CASQ2: variants seen among roughly 807,000 people sequenced by gnomAD.
CASQ2 encodes the protein calsequestrin 2.
In CASQ2, 49 loss-of-function variants were observed where a neutral mutation model predicts 46.5. That is an observed-to-expected ratio of 1.05 (90% CI 0.84 to 1.34). The LOEUF (loss-of-function observed/expected upper bound fraction) is 1.34. Among genes scored for constraint, CASQ2 ranks in the 40% most tolerant of loss-of-function variants. The pLI is 0.00. For missense variants in CASQ2, 486 were observed against 481.3 expected (o/e 1.01, Z -0.09); for synonymous variants, 174 against 168.5 (o/e 1.03, Z -0.25).
chr1:115,735,099 T>TTA (rs1647912479), intron 4 of CASQ2, among the ~76,000 whole-genome samples: 1 of 152,194 alleles, frequency 6.6e-6, no homozygotes, highest in Admixed American at 6.5e-5. Flanking sequence ...TGTAAAGGCT[T>TTA]TACATCAAGC....
At chr1:115,762,425 G>T (rs1315415388) in intron 1 of CASQ2, among the ~76,000 whole-genome samples, 1 of 152,106 alleles carries the variant, frequency 6.6e-6, no homozygotes, top group Non-Finnish European at 1.5e-5. Flanking sequence ...CTCTCTAGCT[G>T]CCTGAAAAAA....
intron 6 of CASQ2, among the ~76,000 whole-genome samples, chr1:115,726,200 A>G (rs1570816668): frequency 2.0e-5 from 3 of 152,198 alleles, no homozygotes; most frequent in Non-Finnish European, 1.5e-5. Flanking sequence ...CATGCCAGGT[A>G]GGGTGGAGGG....
At chr1:115,711,540 C>G (rs1169921401) in intron 8 of CASQ2, among the ~76,000 whole-genome samples, 2 of 150,976 alleles carry the variant, frequency 1.3e-5, no homozygotes. Context: ...AAGACTTTGT[C>G]TGTCTTCTTC....
At chr1:115,712,754 G>A (rs1196524678) in intron 8 of CASQ2, among the ~76,000 whole-genome samples, 1 of 151,862 alleles carries the variant, frequency 6.6e-6, no homozygotes, top group Non-Finnish European at 1.5e-5. Context: ...TACTCGGGAG[G>A]CTGAGGCAGG....
chr1:115,757,823 A>G (rs1462155329), intron 1 of CASQ2, among the ~76,000 whole-genome samples: 1 of 152,216 alleles, frequency 6.6e-6, no homozygotes, highest in Non-Finnish European at 1.5e-5. Flanking sequence ...AATACTTTAA[A>G]AAATTTAACT....
At chr1:115,709,714 C>T (rs1421000054) in intron 8 of CASQ2, among the ~76,000 whole-genome samples, 1 of 152,192 alleles carries the variant, frequency 6.6e-6, no homozygotes, top group Non-Finnish European at 1.5e-5. Context: ...TTTGACCTTG[C>T]TAAAAGGCTG....
At chr1:115,726,959 A>AC in intron 6 of CASQ2, 33 bp downstream of exon 6, 3 of 674,348 alleles carry the variant, frequency 4.4e-6, no homozygotes, top group South Asian at 1.4e-5. Flanking sequence ...CCCAGACCCC[A>AC]GGCCCCCAGC....
chr1:115,729,352 C>T (rs1647710681), intron 5 of CASQ2, among the ~76,000 whole-genome samples: 1 of 152,072 alleles, frequency 6.6e-6, no homozygotes, highest in Non-Finnish European at 1.5e-5. Flanking sequence ...TGCGCCCGAC[C>T]CCCTCTTTCA....
At chr1:115,762,852 CGAT>C (rs761584448) in intron 1 of CASQ2, among the ~76,000 whole-genome samples, 11 of 152,044 alleles carry the variant, frequency 7.2e-5, no homozygotes, top group Non-Finnish European at 1.2e-4. Flanking sequence ...AGGAAGGAGT[CGAT>C]GATTCCTCAT....
At chr1:115,718,799 C>G (rs551375201) in intron 7 of CASQ2, among the ~76,000 whole-genome samples, 2 of 152,162 alleles carry the variant, frequency 1.3e-5, no homozygotes, top group Non-Finnish European at 2.9e-5. Context: ...GACCCTATGC[C>G]TTGTGTCTCC....
At chr1:115,736,230 A>G (rs1647955212) in intron 4 of CASQ2, among the ~76,000 whole-genome samples, 1 of 152,090 alleles carries the variant, frequency 6.6e-6, no homozygotes, top group Admixed American at 6.6e-5. Context: ...ATCCACATAT[A>G]CAAGTGAAGT....
At chr1:115,725,906 C>T (rs926156108) in intron 6 of CASQ2, among the ~76,000 whole-genome samples, 1 of 152,168 alleles carries the variant, frequency 6.6e-6, no homozygotes, top group African/African-American at 2.4e-5. Flanking sequence ...CCACAGCAGG[C>T]CTGGAATGAG....
intron 9 of CASQ2, 83 bp downstream of exon 9, chr1:115,705,109 C>T (rs1255102810): frequency 1.1e-5 from 10 of 908,268 alleles, no homozygotes; most frequent in African/African-American, 1.6e-5. Context: ...AGTGCCCCTG[C>T]CTATTTCACC....
intron 1 of CASQ2, among the ~76,000 whole-genome samples, chr1:115,751,512 A>AT (rs1553196430): frequency 1.3e-5 from 2 of 151,700 alleles, no homozygotes; most frequent in Admixed American, 6.6e-5. Flanking sequence ...GCTAAAAAAA[A>AT]TACAAAAGAA....
chr1:115,725,356 C>T (rs60276235), intron 7 of CASQ2, 152 bp downstream of exon 7: 54 of 910,400 alleles, frequency 5.9e-5, no homozygotes, highest in Non-Finnish European at 8.1e-5. Context: ...TCTGAGCCGT[C>T]GTACCCAATC....
chr1:115,727,573 C>T (rs1454421013), intron 5 of CASQ2, among the ~76,000 whole-genome samples: 1 of 152,194 alleles, frequency 6.6e-6, no homozygotes, highest in Non-Finnish European at 1.5e-5. Context: ...AATCAGAACC[C>T]AACCCATTAG....
At chr1:115,746,373 C>A (rs1648390530) in intron 1 of CASQ2, among the ~76,000 whole-genome samples, 1 of 152,126 alleles carries the variant, frequency 6.6e-6, no homozygotes, top group Admixed American at 6.6e-5. Flanking sequence ...GGTTGTATGG[C>A]AGTTACATGT....
intron 8 of CASQ2, among the ~76,000 whole-genome samples, chr1:115,714,182 T>G (rs1386086661): frequency 6.6e-6 from 1 of 152,164 alleles, no homozygotes; most frequent in African/African-American, 2.4e-5. Flanking sequence ...AGCCTCAGCT[T>G]CCTCAGTTGT....
rs1654240425 is a variant in CASQ2, at chr1:115,702,589, G to A, written c.1014+332C>T. ...TGTGCAGTGATGGCTCCTGGTGTGG[G>A]TTCCCTTTTGTAAAGAGACCTTTTT... is the stretch of plus-strand genomic sequence containing the variant. On this transcript the variant is annotated intron_variant, in intron 10 of 10. Coordinates refer to ENST00000261448, the MANE Select transcript of CASQ2 (RefSeq NM_001232.4). Among the ~76,000 whole-genome samples, 3 of 152,294 alleles carry A rather than the reference G, an allele frequency of 2.0e-5. No individual in the cohort carries two copies. The South Asian group carries it at 6.2e-4, about 32-fold the overall frequency.
Sources: allele counts gnomAD v4.1 joint callset (sites outside exome capture counted in the v4.1 genomes callset), GRCh38; gene constraint gnomAD v4.1.1; transcripts MANE v1.5; gene names NCBI Gene and HGNC (gene_info 2026-07-23, HGNC 2026-07-21).